Variants in DNTTIP2 observed in about 807,000 individuals in gnomAD.
DNTTIP2 encodes the protein deoxynucleotidyltransferase terminal interacting protein 2, also known as deoxynucleotidyltransferase terminal-interacting protein 2.
Under a neutral mutation model 62.4 loss-of-function variants are expected in DNTTIP2, and 47 were observed. The ratio of observed to expected loss-of-function variants is 0.75; its 90% CI spans 0.60 to 0.96. The LOEUF (loss-of-function observed/expected upper bound fraction) is 0.96, where lower values mean the gene tolerates loss of function less well. Among genes scored for constraint, DNTTIP2 ranks in the 40% least tolerant of loss-of-function variants. The pLI is 0.00. For synonymous variants in DNTTIP2, 322 were observed against 300.9 expected, an observed-to-expected ratio of 1.07 and a Z score of -0.73; for missense variants, 870 against 849.1, an observed-to-expected ratio of 1.02 and a Z score of -0.31.
In DNTTIP2 at chr1:93,867,838, AACAG is replaced by A. The variant is rs1000830720; in HGVS notation, c.*2009_*2012del. 8 of 152,040 alleles carry A rather than the reference AACAG, an allele frequency of 5.3e-5. No homozygotes were observed. The highest frequency in any genetic ancestry group is 1.2e-4 in the Non-Finnish European group (8 of 68,006). 9.4% of individuals were successfully genotyped at this position (152,040 alleles called of 1,614,324 possible). On this transcript the variant is annotated 3_prime_UTR_variant, in exon 7 of 7. Transcript: ENST00000436063. Reference sequence around the variant, plus strand: ...GTAGTTTTTTTTTAAAATAAAAGAGAACAGACATAGATGCTTCCCTAACTCCAAC... The same window carrying A: ...GTAGTTTTTTTTTAAAATAAAAGAGAACATAGATGCTTCCCTAACTCCAAC...
Position 93,877,790 on chromosome 1 carries a change from A to T in DNTTIP2, c.145T>A (p.Ser49Thr). Residue 49 changes from serine to threonine, a missense_variant, in exon 2 of 7, where the codon TCA (serine) becomes ACA (threonine). Ser to Thr is a moderately conservative substitution (Grantham distance 58). Coordinates refer to ENST00000436063, the MANE Select transcript of DNTTIP2 (RefSeq NM_014597.5). ...AAACTTTGCTTCCCAGTGGTCTGTG[A>T]TTCAGCAGTAGTTCGGGCATCAGAT... ...TGSDARTTAE[S>T]QTTGKQSLIP... 1 of 1,610,172 alleles carries T rather than the reference A, an allele frequency of 6.2e-7. No homozygotes were observed. Among genetic ancestry groups the T allele is most frequent in the Non-Finnish European group, 8.5e-7 (1 of 1,179,866 alleles).
At chr1:93,872,420 G>A (rs563613844) in intron 4 of DNTTIP2, among the ~76,000 whole-genome samples, 184 bp from the exon 5 acceptor site, 23 of 152,250 alleles carry the variant, frequency 1.5e-4, no homozygotes, top group Middle Eastern at 3.4e-3. Context: ...TGACTTCTCC[G>A]CTAAATTAGG....
intron 4 of DNTTIP2, among the ~76,000 whole-genome samples, chr1:93,872,593 A>C (rs1655894539): frequency 6.6e-6 from 1 of 152,204 alleles, no homozygotes; most frequent in Non-Finnish European, 1.5e-5. Context: ...TCGTTTCTAG[A>C]GCTTATATGT....
chr1:93,869,635 C>A lies in DNTTIP2; in HGVS notation c.*216G>T. On this transcript the variant is annotated 3_prime_UTR_variant, in exon 7 of 7. Coordinates refer to ENST00000436063, the MANE Select transcript of DNTTIP2 (RefSeq NM_014597.5). The stretch of plus-strand genomic sequence containing the variant: ...TGGTTGAGATTTTTTTTCCTTTTTT[C>A]CCATAAAGAGTCTACACCAGGGTGG... 1 of 398,290 alleles carries A rather than the reference C, an allele frequency of 2.5e-6. No individual in the cohort carries two copies. Among genetic ancestry groups the A allele is most frequent in the Non-Finnish European group, 4.6e-6 (1 of 216,234 alleles). The allele number at this position is 398,290 out of a possible 1,614,324, so 24.7% of individuals were successfully genotyped here.
chr1:93,878,659 C>T, intron 1 of DNTTIP2: 1 of 160,590 alleles, frequency 6.2e-6, no homozygotes, highest in South Asian at 1.6e-4. Flanking sequence ...CACAGCCCTC[C>T]TCACGCCTTA....
chr1:93,875,671 G>A lies in DNTTIP2; in HGVS notation c.1780C>T (p.Gln594Ter). ...TCATTTTTCTTTTTCTCCTTGATCT[G>A]TGTTAGGGTTCTCTTGTTAGACTGT... is the stretch of plus-strand genomic sequence containing the variant. ...KLQSNKRTLT[Q>*]IKEKKKNELL... The change falls in exon 3 of 7, where the codon CAG (glutamine) becomes TAG (stop). Residue 594 changes from glutamine to a stop codon, truncating the protein, a stop_gained. Coordinates refer to ENST00000436063, the MANE Select transcript of DNTTIP2 (RefSeq NM_014597.5). LOFTEE classifies it high-confidence loss of function. 6.2e-7 allele frequency: 1 copy of A among 1,612,942 alleles called. No homozygotes were observed. The highest frequency in any genetic ancestry group is 8.5e-7 in the Non-Finnish European group (1 of 1,179,682).
At chr1:93,877,985 A>C in intron 1 of DNTTIP2, 123 bp from the exon 2 acceptor site, 1 of 1,365,172 alleles carries the variant, frequency 7.3e-7, no homozygotes, top group Non-Finnish European at 9.6e-7. Flanking sequence ...AAAAAACAAA[A>C]AAACCTGCCC....
rs755642952 is a variant in DNTTIP2, at chr1:93,873,217, A to AT, written c.1807-4dup. 9.4e-6 allele frequency: 15 copies of AT among 1,599,430 alleles called. 1 individual carries two copies. In the South Asian group the frequency reaches 1.7e-4, roughly 18 times the overall value. On this transcript the variant is annotated splice_polypyrimidine_tract_variant and splice_region_variant and intron_variant, in intron 3 of 6. Transcript: ENST00000436063. The stretch of plus-strand genomic sequence containing the variant: ...GTAATGACGGCTTTCTGCAGAAGCT[A>AT]TAAAAACATAAAATTGGTTTTAAAA...
At position 93,870,751 on chromosome 1, in the gene DNTTIP2, T is replaced by C. The variant is rs371309848; in HGVS notation, c.2109A>G (p.Ser703=). 4 of 1,571,628 alleles carry C rather than the reference T, an allele frequency of 2.5e-6. No homozygotes were observed. In the African/African-American group the frequency reaches 4.0e-5, roughly 16 times the overall value. Residue 703 remains serine (S), a synonymous_variant, in exon 6 of 7, where the codon TCA becomes TCG. Coordinates refer to ENST00000436063, the MANE Select transcript of DNTTIP2 (RefSeq NM_014597.5). ...IVDNPADFYH[S]RIPKKQRKRT... is the part of the protein sequence containing the mutation. ...TTTTCCTTTGCTTCTTGGGAATTCGTGAATGGTAGAAATCAGCTGGATTGT... is the reference window on the plus strand; with the variant it reads ...TTTTCCTTTGCTTCTTGGGAATTCGCGAATGGTAGAAATCAGCTGGATTGT...
Position 93,870,034 on chromosome 1 carries a change from GGACAA to G in DNTTIP2, c.2178-95_2178-91del, listed in dbSNP as rs368816644. ...GGGTAAAAGTTGGGAATGGAGTGGTGGACAAGACAAGTATAGTCTCTGACCTCATA... is the reference window on the plus strand; with the variant it reads ...GGGTAAAAGTTGGGAATGGAGTGGTGGACAAGTATAGTCTCTGACCTCATA... On this transcript the variant is annotated intron_variant, in intron 6 of 6. Transcript: ENST00000436063. 1,611 of 672,482 alleles carry G rather than the reference GGACAA, an allele frequency of 2.4e-3. 10 individuals are homozygous for G. Among genetic ancestry groups the G allele is most frequent in the Admixed American group, 6.9e-3 (289 of 41,700 alleles). The allele number at this position is 672,482 out of a possible 1,614,324, so 41.7% of individuals were successfully genotyped here.
At chr1:93,877,949 C>T (rs1227664505) in intron 1 of DNTTIP2, 87 bp from the exon 2 acceptor site, 11 of 1,447,900 alleles carry the variant, frequency 7.6e-6, no homozygotes, top group Non-Finnish European at 1.0e-5. Flanking sequence ...AAGCTAAAAC[C>T]CAGTAAACAA....
rs1333316741 is a variant in DNTTIP2 at position 93,867,170 on chromosome 1, G to A, written c.*2681C>T. 10 of 144,124 alleles carry A rather than the reference G, an allele frequency of 6.9e-5. No homozygotes were observed. In the Admixed American group the frequency reaches 7.0e-4, roughly 10 times the overall value. 8.9% of individuals were successfully genotyped at this position (144,124 alleles called of 1,614,324 possible). A position where few individuals can be genotyped will look rare whatever the true frequency, so the allele number is the denominator to read the frequency against. ...AAAAAAAAAAAAAAAAAAGCATCTT[G>A]GAGCCAGATGGTGTATAAATACAGC... On this transcript the variant is annotated 3_prime_UTR_variant, in exon 7 of 7. Transcript: ENST00000436063.
intron 3 of DNTTIP2, among the ~76,000 whole-genome samples, chr1:93,873,536 A>G (rs1221426647): frequency 6.6e-6 from 1 of 151,764 alleles, no homozygotes; most frequent in Non-Finnish European, 1.5e-5. Flanking sequence ...CAGGAGCTTG[A>G]GGCTGCAGCA....
intron 4 of DNTTIP2, among the ~76,000 whole-genome samples, chr1:93,872,440 A>G (rs1490871091): frequency 1.3e-5 from 2 of 152,344 alleles, no homozygotes; most frequent in East Asian, 3.9e-4. Flanking sequence ...GGACAGGATT[A>G]TCAGTTTCAT....
At position 93,876,665 on chromosome 1, in the gene DNTTIP2, T is replaced by A. The variant is rs575126651; in HGVS notation, c.1270A>T (p.Thr424Ser). The A allele has an allele frequency of 3.1e-6, 5 of 1,613,928 alleles. No individual in the cohort carries two copies. The highest frequency in any genetic ancestry group is 4.2e-6 in the Non-Finnish European group (5 of 1,179,904). The change falls in exon 2 of 7, where the codon ACC becomes TCC. Residue 424 changes from threonine to serine, a missense_variant. Transcript: ENST00000436063. Reference sequence around the variant, plus strand: ...TTGGGCGCAGACGTGTATAGTTTGGTATCACATTCAAAATCTACATTCCCT... The same window carrying A: ...TTGGGCGCAGACGTGTATAGTTTGGAATCACATTCAAAATCTACATTCCCT... ...SEGNVDFECD[T>S]KLYTSAPNTS...
At position 93,876,792 on chromosome 1, in the gene DNTTIP2, GCT is replaced by G; in HGVS notation, c.1141_1142del (p.Ser381ProfsTer6). On this transcript the variant is annotated frameshift_variant, in exon 2 of 7. Transcript: ENST00000436063. LOFTEE classifies it high-confidence loss of function. ...TTGTCAAGTCACTTGCTTTTATGGG[GCT>G]CTTTTTGTTGTTATTCCATCTGCCT... ...EVGRWNNNKK[S>X]PIKASDLTKF... 6.2e-7 allele frequency: 1 copy of G among 1,613,788 alleles called. No individual in the cohort carries two copies. The highest frequency in any genetic ancestry group is 8.5e-7 in the Non-Finnish European group (1 of 1,179,846).
rs993454500 is a variant in DNTTIP2 at position 93,866,490 on chromosome 1, C to T, written c.*3361G>A. ...AATTATTCTGAACAAGTTGTCACTG[C>T]CTGAGAGACTGAATACCTGGTACAT... On this transcript the variant is annotated 3_prime_UTR_variant, in exon 7 of 7. Transcript: ENST00000436063. 6 of 152,150 alleles carry T rather than the reference C, an allele frequency of 3.9e-5. No homozygotes were observed. Among genetic ancestry groups the T allele is most frequent in the Non-Finnish European group, 8.8e-5 (6 of 68,030 alleles). 9.4% of individuals were successfully genotyped at this position (152,150 alleles called of 1,614,324 possible). A position where few individuals can be genotyped will look rare whatever the true frequency, so the allele number is the denominator to read the frequency against.
rs777112388 is a variant in DNTTIP2, at chr1:93,877,334, T to C, written c.601A>G (p.Arg201Gly). The change falls in exon 2 of 7, where the codon AGA becomes GGA. Residue 201 changes from arginine (R) to glycine (G), a missense_variant. Transcript: ENST00000436063. Reference protein sequence around the residue: ...SDISFSGIATRRTRSMQRKLK... With the variant: ...SDISFSGIATGRTRSMQRKLK... ...TTCCTCTGCATACTCCTGGTTCTTC[T>C]AGTTGCAATTCCAGAGAATGAAATG... 1 of 1,613,762 alleles carries C rather than the reference T, an allele frequency of 6.2e-7. No homozygotes were observed. Among genetic ancestry groups the C allele is most frequent in the Admixed American group, 1.7e-5 (1 of 60,000 alleles).
intron 5 of DNTTIP2, 74 bp from the exon 6 acceptor site, chr1:93,870,866 A>C (rs1456549023): frequency 9.0e-6 from 6 of 669,034 alleles, no homozygotes; most frequent in Non-Finnish European, 1.4e-5. Context: ...AGCTCTAATT[A>C]TATTTAGAGA....
Sources: gnomAD v4.1 joint callset for allele counts (sites outside exome capture counted in the v4.1 genomes callset) on GRCh38, gnomAD v4.1.1 for gene constraint, MANE v1.5 for transcripts, NCBI Gene and HGNC (gene_info 2026-07-23, HGNC 2026-07-21) for gene names.